The following TGFBRAP1 variants were observed in gnomAD, a reference collection of about 807,000 sequenced individuals.
TGFBRAP1 encodes the protein transforming growth factor-beta receptor-associated protein 1.
In TGFBRAP1, 20 loss-of-function variants were observed where a neutral mutation model predicts 83.2. The observed-to-expected ratio is 0.24, with a 90% CI of 0.17 to 0.35. The LOEUF (loss-of-function observed/expected upper bound fraction) is 0.35. Among genes scored for constraint, TGFBRAP1 ranks in the 10% least tolerant of loss-of-function variants. The pLI, the probability that TGFBRAP1 is intolerant of heterozygous loss-of-function variation, is 1.00. For missense variants in TGFBRAP1, 950 were observed against 1,099.4 expected (o/e 0.86, Z 1.92); for synonymous variants, 415 against 459.8 (o/e 0.90, Z 1.25).
At chr2:105,300,754 T>A (rs1026864618) in intron 2 of TGFBRAP1, among the ~76,000 whole-genome samples, 2 of 152,004 alleles carry the variant, frequency 1.3e-5, no homozygotes, top group Non-Finnish European at 2.9e-5. Context: ...TCTTTATAAC[T>A]AAAACAGTTA....
rs1364149598 is a variant in TGFBRAP1 at position 105,308,093 on chromosome 2, T to C, written c.209A>G (p.Gln70Arg). The C allele has an allele frequency of 6.2e-7, 1 of 1,614,038 alleles. No homozygotes were observed. Among genetic ancestry groups the C allele is most frequent in the African/African-American group, 1.3e-5 (1 of 74,930 alleles). Residue 70 changes from glutamine to arginine, a missense_variant, in exon 2 of 12, where the codon CAG (glutamine) becomes CGG (arginine). Coordinates refer to ENST00000393359, the MANE Select transcript of TGFBRAP1 (RefSeq NM_004257.6). ...PATFTATKQL[Q>R]RHLGFKKPVN... ...GGGCTTCTTGAAGCCCAAGTGTCTC[T>C]GCAGCTGTTTGGTGGCAGTGAACGT...
At chr2:105,318,499 A>G (rs1678954710) in intron 1 of TGFBRAP1, among the ~76,000 whole-genome samples, 1 of 152,178 alleles carries the variant, frequency 6.6e-6, no homozygotes, top group Non-Finnish European at 1.5e-5. Flanking sequence ...AATTCTACTC[A>G]TTTCCCCAAA....
intron 10 of TGFBRAP1, among the ~76,000 whole-genome samples, chr2:105,272,573 G>A (rs1677192813): frequency 6.6e-6 from 1 of 152,208 alleles, no homozygotes; most frequent in African/African-American, 2.4e-5. Context: ...GGCTGACTCT[G>A]TCAAAAGAGG....
In TGFBRAP1 at chr2:105,271,292, C is replaced by T. The variant is rs541552472; in HGVS notation, c.1972+1563G>A. ...CACTCTACATACTCAGAAAAGCTGG[C>T]GGAATGCAAACATTGAACCACACAC... On this transcript the variant is annotated intron_variant, in intron 10 of 11. Coordinates refer to ENST00000393359, the MANE Select transcript of TGFBRAP1 (RefSeq NM_004257.6). Among the ~76,000 whole-genome samples the T allele has an allele frequency of 7.9e-5, 12 of 152,298 alleles. No individual in the cohort carries two copies. In the South Asian group the frequency reaches 2.5e-3, roughly 32 times the overall value.
chr2:105,274,788 G>C (rs1677280552), intron 8 of TGFBRAP1, among the ~76,000 whole-genome samples: 1 of 152,212 alleles, frequency 6.6e-6, no homozygotes, highest in Non-Finnish European at 1.5e-5. Context: ...TTCCAACTCA[G>C]GTCTTAGAAA....
At chr2:105,290,085 G>C (rs1677852942) in intron 4 of TGFBRAP1, among the ~76,000 whole-genome samples, 1 of 152,242 alleles carries the variant, frequency 6.6e-6, no homozygotes, top group African/African-American at 2.4e-5. Context: ...TGTTGAGACA[G>C]TCTTGCTCTG....
chr2:105,314,545 C>T (rs1472161167), intron 1 of TGFBRAP1, among the ~76,000 whole-genome samples: 1 of 151,948 alleles, frequency 6.6e-6, no homozygotes, highest in Non-Finnish European at 1.5e-5. Context: ...CCACCGCGCC[C>T]AGCCACCTGT....
chr2:105,313,225 G>C (rs901584880), intron 1 of TGFBRAP1, among the ~76,000 whole-genome samples: 2 of 152,202 alleles, frequency 1.3e-5, no homozygotes, highest in African/African-American at 4.8e-5. Flanking sequence ...CATGGGGTGG[G>C]CGCCACAGAT....
At chr2:105,260,953 T>C (rs1178034847), downstream of TGFBRAP1, among the ~76,000 whole-genome samples, 2 of 152,216 alleles carry the variant, frequency 1.3e-5, no homozygotes, top group Admixed American at 6.5e-5. Flanking sequence ...TCAAAGAAAC[T>C]GAATCTCTTT....
At chr2:105,322,646 G>A (rs891182665) in intron 1 of TGFBRAP1, among the ~76,000 whole-genome samples, 1 of 152,144 alleles carries the variant, frequency 6.6e-6, no homozygotes, top group Non-Finnish European at 1.5e-5. Context: ...GTAGCATGCT[G>A]TATAGGTTTG....
chr2:105,293,403 A>T (rs1395448418), intron 4 of TGFBRAP1, among the ~76,000 whole-genome samples: 2 of 152,206 alleles, frequency 1.3e-5, no homozygotes, highest in Non-Finnish European at 2.9e-5. Flanking sequence ...TGAAGAAACG[A>T]TCCTTAATCC....
chr2:105,273,118 A>G, intron 9 of TGFBRAP1, 104 bp from the exon 10 acceptor site: 1 of 1,422,548 alleles, frequency 7.0e-7, no homozygotes, highest in Non-Finnish European at 9.5e-7. Context: ...CTGCACTGAC[A>G]TGAGCTGGGC....
At chr2:105,284,292 C>G in intron 5 of TGFBRAP1, 24 bp downstream of exon 5, 1 of 1,611,782 alleles carries the variant, frequency 6.2e-7, no homozygotes, top group Non-Finnish European at 8.5e-7. Context: ...TAGTGGCAGT[C>G]TTGCTACCAG....
chr2:105,271,616 C>T (rs1037186727), intron 10 of TGFBRAP1, among the ~76,000 whole-genome samples: 1 of 152,144 alleles, frequency 6.6e-6, no homozygotes, highest in Non-Finnish European at 1.5e-5. Context: ...CTTCAGTGCA[C>T]TCTTCTGTAA....
chr2:105,311,325 A>G (rs1678685138), intron 1 of TGFBRAP1, among the ~76,000 whole-genome samples: 1 of 152,184 alleles, frequency 6.6e-6, no homozygotes, highest in South Asian at 2.1e-4. Flanking sequence ...TGGTAATTAA[A>G]TGGTAATAAT....
At chr2:105,294,043 G>C (rs922804003) in intron 4 of TGFBRAP1, among the ~76,000 whole-genome samples, 2 of 152,246 alleles carry the variant, frequency 1.3e-5, no homozygotes, top group African/African-American at 4.8e-5. Flanking sequence ...GTAATTGCAG[G>C]GTAAAGGGCC....
At chr2:105,312,440 A>T (rs1440912377) in intron 1 of TGFBRAP1, among the ~76,000 whole-genome samples, 1 of 152,224 alleles carries the variant, frequency 6.6e-6, no homozygotes, top group Non-Finnish European at 1.5e-5. Context: ...AAATGCTAGG[A>T]TGCTCAAGGA....
At chr2:105,285,356 C>T (rs1461352470) in intron 4 of TGFBRAP1, among the ~76,000 whole-genome samples, 1 of 152,242 alleles carries the variant, frequency 6.6e-6, no homozygotes, top group African/African-American at 2.4e-5. Flanking sequence ...CTGATCAACT[C>T]TCTGATCCAT....
At chr2:105,252,075 C>A in the TGFBRAP1 span, among the ~76,000 whole-genome samples, 1 of 151,358 alleles carries the variant, frequency 6.6e-6, no homozygotes, top group African/African-American at 2.4e-5. Flanking sequence ...GACCTTCCCT[C>A]CACTATTGTC....
Sources: allele counts gnomAD v4.1 joint callset (sites outside exome capture counted in the v4.1 genomes callset), GRCh38; gene constraint gnomAD v4.1.1; transcripts MANE v1.5; gene names NCBI Gene and HGNC (gene_info 2026-07-23, HGNC 2026-07-21).